PC: variants seen among roughly 807,000 people sequenced by gnomAD.
The protein encoded by PC is pyruvate carboxylase, also known as pyruvate carboxylase, mitochondrial.
PC carries 46 observed loss-of-function variants against 107.8 expected under a neutral mutation model. The ratio of observed to expected loss-of-function variants is 0.43; its 90% CI spans 0.34 to 0.55. The LOEUF is 0.55. Among genes scored for constraint, PC ranks in the 20% least tolerant of loss-of-function variants. The pLI is 0.04. For missense variants in PC, 1,241 were observed against 1,643.1 expected, an observed-to-expected ratio of 0.76 and a Z score of 4.23; for synonymous variants, 662 against 684.7, an observed-to-expected ratio of 0.97 and a Z score of 0.52.
rs113994145 is a variant in PC at position 66,851,880 on chromosome 11, C to T, written c.1892G>A (p.Arg631Gln). 1.2e-5 allele frequency: 19 copies of T among 1,613,974 alleles called. No individual in the cohort carries two copies. Among genetic ancestry groups the T allele is most frequent in the Non-Finnish European group, 1.5e-5 (18 of 1,179,954 alleles). The change falls in exon 16 of 23, where the codon CGG becomes CAG. Residue 631 changes from arginine to glutamine, a missense_variant. Around this residue, in one of 2 missense-constraint regions of PC, gnomAD observed 1,143 missense variants for 1,551.9 expected, o/e 0.74. Transcript: ENST00000393960. ...GAAAGGGATGTTGGGGATGAGCTCC[C>T]GGAGCTCCTGCAGCCGCCGCCAGGG... is the stretch of plus-strand genomic sequence containing the variant. Reference protein sequence around the residue: ...ECPWRRLQELRELIPNIPFQM... With the variant: ...ECPWRRLQELQELIPNIPFQM...
At chr11:66,869,492 G>T (rs1946638149) in intron 9 of PC, among the ~76,000 whole-genome samples, 1 of 151,980 alleles carries the variant, frequency 6.6e-6, no homozygotes, top group African/African-American at 2.4e-5. Flanking sequence ...TTTCACTTTT[G>T]GTCTCACCAA....
Position 66,850,421 on chromosome 11 carries a change from C to T in PC, c.2517G>A (p.Glu839=). 3.1e-6 allele frequency: 5 copies of T among 1,614,050 alleles called. No homozygotes were observed. The highest frequency in any genetic ancestry group is 4.2e-6 in the Non-Finnish European group (5 of 1,180,028). ...ERVFDYSEYW[E]GARGLYAAFD... is the part of the protein sequence containing the mutation. ...AGGCCGCGTACAGTCCCCGAGCCCCCTCCCAGTACTCACTGTAGTCAAACA... is the reference window on the plus strand; with the variant it reads ...AGGCCGCGTACAGTCCCCGAGCCCCTTCCCAGTACTCACTGTAGTCAAACA... The change falls in exon 19 of 23, where the codon GAG becomes GAA. Residue 839 remains glutamate (E), a synonymous_variant. Coordinates refer to ENST00000393960, the MANE Select transcript of PC (RefSeq NM_001040716.2).
At chr11:66,951,736 A>C (rs1043284813) in intron 3 of PC, among the ~76,000 whole-genome samples, 1 of 152,060 alleles carries the variant, frequency 6.6e-6, no homozygotes, top group Non-Finnish European at 1.5e-5. Context: ...CTAAAAATAC[A>C]AAAATTAGCT....
intron 3 of PC, among the ~76,000 whole-genome samples, chr11:66,926,791 T>C (rs886940528): frequency 1.4e-5 from 2 of 142,390 alleles, no homozygotes; most frequent in African/African-American, 2.6e-5. Context: ...GGATATTTCC[T>C]AGAAATGTCA....
At chr11:66,951,804 T>G (rs1286258321) in intron 3 of PC, among the ~76,000 whole-genome samples, 2 of 151,346 alleles carry the variant, frequency 1.3e-5, no homozygotes, top group Non-Finnish European at 2.9e-5. Flanking sequence ...GCAGGAGAAT[T>G]GCTTGAACCC....
chr11:66,941,077 C>G (rs12284648), intron 3 of PC, among the ~76,000 whole-genome samples: 1 of 62,942 alleles, frequency 1.6e-5, no homozygotes, highest in Non-Finnish European at 3.0e-5. Flanking sequence ...AAGACTCCAT[C>G]TAAAAAAAAA....
At position 66,850,131 on chromosome 11, in the gene PC, C is replaced by T; in HGVS notation, c.2719-15G>A. ...GAGGGCGTCACCTGAGGAGAAGGCCCTGGAGGTTAGGGTGCCAGGCACCTC... is the reference window on the plus strand; with the variant it reads ...GAGGGCGTCACCTGAGGAGAAGGCCTTGGAGGTTAGGGTGCCAGGCACCTC... On this transcript the variant is annotated splice_polypyrimidine_tract_variant and intron_variant, in intron 19 of 22. Coordinates refer to ENST00000393960, the MANE Select transcript of PC (RefSeq NM_001040716.2). 6.2e-7 allele frequency: 1 copy of T among 1,613,842 alleles called. No individual in the cohort carries two copies. Among genetic ancestry groups the T allele is most frequent in the Non-Finnish European group, 8.5e-7 (1 of 1,180,038 alleles).
At chr11:66,899,025 C>CTG (rs1475683956) in intron 3 of PC, among the ~76,000 whole-genome samples, 3 of 152,170 alleles carry the variant, frequency 2.0e-5, no homozygotes, top group Non-Finnish European at 4.4e-5. Flanking sequence ...CATGCGCCAC[C>CTG]ATGCCCGGCT....
chr11:66,916,447 C>G (rs1315811772), intron 3 of PC, among the ~76,000 whole-genome samples: 6 of 152,170 alleles, frequency 3.9e-5, no homozygotes, highest in Non-Finnish European at 8.8e-5. Context: ...ACTTCACCGT[C>G]TAAGCAGATC....
At chr11:66,928,586 A>G (rs1428874936) in intron 3 of PC, among the ~76,000 whole-genome samples, 1 of 151,884 alleles carries the variant, frequency 6.6e-6, no homozygotes, top group Non-Finnish European at 1.5e-5. Context: ...AGTGCAATGG[A>G]GCGATCTCAG....
At position 66,849,788 on chromosome 11, in the gene PC, C is replaced by T. The variant is rs2062718859; in HGVS notation, c.2970G>A (p.Leu990=). The T allele has an allele frequency of 2.5e-6, 4 of 1,614,042 alleles. No homozygotes were observed. Among genetic ancestry groups the T allele is most frequent in the Admixed American group, 1.7e-5 (1 of 60,014 alleles). Residue 990 remains leucine (L), a synonymous_variant, in exon 21 of 23, where the codon CTG becomes CTA. Coordinates refer to ENST00000393960, the MANE Select transcript of PC (RefSeq NM_001040716.2). ...CATGCCGGTCTACCAGCTCCTTCTC[C>T]AGTGCCTGCAGATCCAGGGGAGGGA... ...ASLPPLDLQA[L]EKELVDRHGE...
intron 3 of PC, among the ~76,000 whole-genome samples, chr11:66,876,039 CAA>C (rs1158512238): frequency 6.6e-6 from 1 of 152,126 alleles, no homozygotes; most frequent in Non-Finnish European, 1.5e-5. Flanking sequence ...TCGTGAGAGA[CAA>C]AGACGCAAGA....
chr11:66,871,347 T>C lies in PC; in HGVS notation c.455A>G (p.Lys152Arg). ...AATGGCGATGGCCCGGGCCTCCACCTTGTCTCCCATCTTGCGGACCACTTC... is the reference window on the plus strand; with the variant it reads ...AATGGCGATGGCCCGGGCCTCCACCCTGTCTCCCATCTTGCGGACCACTTC... ...SPEVVRKMGDKVEARAIAIAA... is the reference protein window; with the variant it reads ...SPEVVRKMGDRVEARAIAIAA... The change falls in exon 6 of 23, where the codon AAG (lysine) becomes AGG (arginine). Residue 152 changes from lysine (K) to arginine (R), a missense_variant. Coordinates refer to ENST00000393960, the MANE Select transcript of PC (RefSeq NM_001040716.2). This position sits in a 1 kb window ranked among gnomAD's most constrained non-coding sequence, Gnocchi z 7.4. 6 of 1,613,916 alleles carry C rather than the reference T, an allele frequency of 3.7e-6. No homozygotes were observed. The highest frequency in any genetic ancestry group is 5.1e-6 in the Non-Finnish European group (6 of 1,180,018).
intron 3 of PC, among the ~76,000 whole-genome samples, chr11:66,944,039 T>C (rs1591312602): frequency 7.4e-6 from 1 of 135,724 alleles, no homozygotes; most frequent in East Asian, 2.2e-4. Flanking sequence ...CCCAGCACTT[T>C]GGGAGCCCGA....
chr11:66,850,034 T>C lies in PC; in HGVS notation c.2801A>G (p.Gln934Arg). 1 of 1,613,660 alleles carries C rather than the reference T, an allele frequency of 6.2e-7. No homozygotes were observed. The highest frequency in any genetic ancestry group is 2.2e-5 in the East Asian group (1 of 44,880). The change falls in exon 20 of 23, where the codon CAG becomes CGG. Residue 934 changes from glutamine to arginine, a missense_variant. Physicochemically the swap from Gln to Arg is conservative, Grantham distance 43. This residue lies in a region of PC where 1,143 missense variants were observed against 1,551.9 expected (regional missense o/e 0.74). Coordinates refer to ENST00000393960, the MANE Select transcript of PC (RefSeq NM_001040716.2). ...NGLSRAEAEAQAEELSFPRSV... is the reference protein window; with the variant it reads ...NGLSRAEAEARAEELSFPRSV... ...GCGGGGAAAGGACAGCTCTTCCGCC[T>C]GAGCTTCGGCCTCTGCCCGGCTCAA...
At position 66,954,364 on chromosome 11, in the gene PC, T is replaced by C. The variant is rs1949507902; in HGVS notation, c.-155A>G. The stretch of plus-strand genomic sequence containing the variant: ...AGTAAGAGGAAATGGTTTATTCTTT[T>C]GGCCATTTCCCATCTTCCACCGTCA... On this transcript the variant is annotated 5_prime_UTR_variant, in exon 2 of 23. Transcript: ENST00000393960. 1 of 152,252 alleles carries C rather than the reference T, an allele frequency of 6.6e-6. No homozygotes were observed. The highest frequency in any genetic ancestry group is 1.5e-5 in the Non-Finnish European group (1 of 68,064). 9.4% of individuals were successfully genotyped at this position (152,252 alleles called of 1,614,324 possible). A position where few individuals can be genotyped will look rare whatever the true frequency, so the allele number is the denominator to read the frequency against.
intron 3 of PC, among the ~76,000 whole-genome samples, chr11:66,939,075 T>A (rs1949063560): frequency 6.6e-6 from 1 of 152,222 alleles, no homozygotes; most frequent in South Asian, 2.1e-4. Flanking sequence ...CTCAGTGACA[T>A]CACTGCCTTC....
intron 12 of PC, among the ~76,000 whole-genome samples, chr11:66,861,107 T>C (rs1946230847): frequency 6.6e-6 from 1 of 152,194 alleles, no homozygotes; most frequent in Non-Finnish European, 1.5e-5. Context: ...TCAGATGTGC[T>C]CTGGGCCTTC....
rs7931517 is a variant in PC, at chr11:66,875,083, C to T, written c.1-2924G>A. Among the ~76,000 whole-genome samples, 588 of 152,300 alleles carry T rather than the reference C, an allele frequency of 3.9e-3. 7 individuals are homozygous for T. Among genetic ancestry groups the T allele is most frequent in the African/African-American group, 0.013 (531 of 41,554 alleles). The stretch of plus-strand genomic sequence containing the variant: ...ACAGACAGGGCCCAGTGGTTGAGGC[C>T]TCCCTTCAGCCATGGACAGGACAGG... On this transcript the variant is annotated intron_variant, in intron 3 of 22. Coordinates refer to ENST00000393960, the MANE Select transcript of PC (RefSeq NM_001040716.2).
Sources: allele counts gnomAD v4.1 joint callset (sites outside exome capture counted in the v4.1 genomes callset), GRCh38; gene constraint gnomAD v4.1.1; regional missense constraint gnomAD v4.1.1; non-coding constraint Gnocchi (gnomAD v3.1); transcripts MANE v1.5; gene names NCBI Gene and HGNC (gene_info 2026-07-23, HGNC 2026-07-21).